TPO: variants seen among roughly 807,000 people sequenced by gnomAD.
The protein encoded by TPO is thyroid microsomal antigen.
TPO carries 78 observed loss-of-function variants against 96.9 expected under a neutral mutation model. The observed-to-expected ratio is 0.81, with a 90% CI of 0.67 to 0.97. The LOEUF (loss-of-function observed/expected upper bound fraction) is 0.97, where lower values mean the gene tolerates loss of function less well. TPO is among the 50% of genes least tolerant of loss of function. The pLI, the probability that TPO is intolerant of heterozygous loss-of-function variation, is 0.00. For synonymous variants in TPO, 547 were observed against 538.0 expected, an observed-to-expected ratio of 1.02 and a Z score of -0.23; for missense variants, 1,252 against 1,274.8, an observed-to-expected ratio of 0.98 and a Z score of 0.27.
intron 3 of TPO, among the ~76,000 whole-genome samples, chr2:1,432,802 C>A (rs1463702542): frequency 2.9e-5 from 4 of 138,974 alleles, no homozygotes; most frequent in Admixed American, 2.1e-4. Context: ...GGGGTGAGGC[C>A]TGCAGGTGAG....
At chr2:1,489,759 C>T (rs1047709313) in intron 10 of TPO, among the ~76,000 whole-genome samples, 4 of 152,200 alleles carry the variant, frequency 2.6e-5, no homozygotes, top group African/African-American at 9.6e-5. Flanking sequence ...GCGCACAGCC[C>T]GACTTGTGTT....
At chr2:1,399,998 G>A (rs899089348) in intron 1 of TPO, among the ~76,000 whole-genome samples, 1 of 152,166 alleles carries the variant, frequency 6.6e-6, no homozygotes, top group Non-Finnish European at 1.5e-5. Flanking sequence ...CCAGCCAGAC[G>A]CCCCTGGGCT....
chr2:1,518,076 A>C (rs969798433), intron 15 of TPO, among the ~76,000 whole-genome samples: 10 of 152,004 alleles, frequency 6.6e-5, no homozygotes, highest in African/African-American at 2.4e-4. Flanking sequence ...GCACCACCCC[A>C]TACCACACAT....
At chr2:1,479,734 T>G (rs544695695) in intron 8 of TPO, among the ~76,000 whole-genome samples, 1 of 152,278 alleles carries the variant, frequency 6.6e-6, no homozygotes, top group East Asian at 1.9e-4. Flanking sequence ...TGGCTGCTGC[T>G]GCTCCTCCTT....
chr2:1,482,856 A>AT (rs940250158), intron 8 of TPO, among the ~76,000 whole-genome samples: 1 of 152,008 alleles, frequency 6.6e-6, no homozygotes, highest in Non-Finnish European at 1.5e-5. Context: ...AATTTTTTAA[A>AT]TTTTTTTGTA....
In TPO at chr2:1,536,545, C is replaced by G. The variant is rs375545268; in HGVS notation, c.2619-4049C>G. On this transcript the variant is annotated intron_variant, in intron 15 of 16. Coordinates refer to ENST00000329066, the MANE Select transcript of TPO (RefSeq NM_001206744.2). Reference sequence around the variant, plus strand: ...CAAATTCCTCCCCCACTCTGAGTAGCCTCCTCAAATCCCCCCCAGTGTGTG... The same window carrying G: ...CAAATTCCTCCCCCACTCTGAGTAGGCTCCTCAAATCCCCCCCAGTGTGTG... Among the ~76,000 whole-genome samples, 48 of 51,434 alleles carry G rather than the reference C, an allele frequency of 9.3e-4. 1 individual carries two copies. The highest frequency in any genetic ancestry group is 2.3e-3 in the African/African-American group (25 of 10,742). The allele number at this position is 51,434 out of a possible 152,430, so 33.7% of individuals were successfully genotyped here. A position where few individuals can be genotyped will look rare whatever the true frequency, so the allele number is the denominator to read the frequency against.
intron 15 of TPO, among the ~76,000 whole-genome samples, chr2:1,535,317 T>C (rs1478917603): frequency 1.2e-5 from 1 of 84,094 alleles, no homozygotes; most frequent in Non-Finnish European, 2.3e-5. Flanking sequence ...GTGTGCAACC[T>C]CCTCAAATCC....
At chr2:1,537,003 TC>T (rs753816767) in intron 15 of TPO, among the ~76,000 whole-genome samples, 1 of 21,124 alleles carries the variant, frequency 4.7e-5, no homozygotes. Context: ...CAACCTCAAA[TC>T]CCCCCACTGT....
At chr2:1,490,690 G>A (rs945109071) in intron 10 of TPO, among the ~76,000 whole-genome samples, 2 of 152,196 alleles carry the variant, frequency 1.3e-5, no homozygotes, top group Admixed American at 6.5e-5. Context: ...TGGAGGCATC[G>A]ATGCACCAGA....
At chr2:1,524,376 C>T (rs1411755922) in intron 15 of TPO, among the ~76,000 whole-genome samples, 1 of 142,086 alleles carries the variant, frequency 7.0e-6, no homozygotes, top group African/African-American at 2.7e-5. Flanking sequence ...TTCAACCTCC[C>T]CAAATCCCCC....
At chr2:1,439,263 T>G (rs1323394918) in intron 5 of TPO, 1 of 172,700 alleles carries the variant, frequency 5.8e-6, no homozygotes, top group East Asian at 1.6e-4. Flanking sequence ...CTGGGGACAC[T>G]TAGATCTGAG....
chr2:1,492,891 C>T (rs533805183), intron 10 of TPO, among the ~76,000 whole-genome samples: 4 of 152,262 alleles, frequency 2.6e-5, no homozygotes, highest in East Asian at 1.9e-4. Context: ...GAGTGAGGGT[C>T]GCCCATCCTT....
At chr2:1,397,055 C>T (rs1662092478) in intron 1 of TPO, among the ~76,000 whole-genome samples, 1 of 152,144 alleles carries the variant, frequency 6.6e-6, no homozygotes, top group Non-Finnish European at 1.5e-5. Context: ...GGAACATTAT[C>T]AAGGCTCATT....
At chr2:1,492,955 G>A (rs1365286623) in intron 10 of TPO, among the ~76,000 whole-genome samples, 1 of 152,110 alleles carries the variant, frequency 6.6e-6, no homozygotes, top group Non-Finnish European at 1.5e-5. Flanking sequence ...GAGTGGATGA[G>A]GGACGAAGGC....
chr2:1,536,770 G>C (rs1573652118), intron 15 of TPO, among the ~76,000 whole-genome samples: 1 of 77,028 alleles, frequency 1.3e-5, no homozygotes, highest in African/African-American at 5.8e-5. Flanking sequence ...CCATCACTCT[G>C]TGTAATCTCC....
chr2:1,393,906 A>G (rs1662041971), intron 1 of TPO, among the ~76,000 whole-genome samples: 1 of 152,228 alleles, frequency 6.6e-6, no homozygotes, highest in Admixed American at 6.5e-5. Context: ...TGGAGCTACT[A>G]TTTATTTCAA....
chr2:1,536,820 CCCA>C (rs150715447), intron 15 of TPO, among the ~76,000 whole-genome samples: 19,884 of 99,694 alleles, frequency 0.2, 2,251 homozygotes, highest in Non-Finnish European at 0.25. Flanking sequence ...CCAAATCCCC[CCCA>C]CTGTGTGCAA....
At chr2:1,540,833 G>GT (rs1558448515) in intron 16 of TPO, 110 bp downstream of exon 16, 1 of 1,588,942 alleles carries the variant, frequency 6.3e-7, no homozygotes, top group Non-Finnish European at 8.6e-7. Context: ...TTTACTCCGT[G>GT]TTTCCTAGTC....
At chr2:1,506,201 A>G (rs1183012434) in intron 14 of TPO, among the ~76,000 whole-genome samples, 2 of 151,994 alleles carry the variant, frequency 1.3e-5, no homozygotes, top group African/African-American at 2.4e-5. Flanking sequence ...CCATGTCCCT[A>G]CAAAGGACAT....
Sources: gnomAD v4.1 joint callset for allele counts (sites outside exome capture counted in the v4.1 genomes callset) on GRCh38, gnomAD v4.1.1 for gene constraint, MANE v1.5 for transcripts, NCBI Gene and HGNC (gene_info 2026-07-23, HGNC 2026-07-21) for gene names.